The following GET3 variants were observed in gnomAD, a reference collection of about 807,000 sequenced individuals.
GET3 encodes ATPase GET3.
A neutral mutation model predicts 32.4 loss-of-function variants in GET3; 15 were observed. The observed-to-expected ratio is 0.46, with a 90% CI of 0.31 to 0.71. The LOEUF is 0.71. GET3 is among the 30% of genes least tolerant of loss of function. GET3 has a pLI of 0.05. For synonymous variants in GET3, 198 were observed against 185.6 expected (o/e 1.07, Z -0.54); for missense variants, 333 against 459.0 (o/e 0.73, Z 2.51).
chr19:12,741,465 A>C (rs1599448925), intron 2 of GET3, among the ~76,000 whole-genome samples: 1 of 150,088 alleles, frequency 6.7e-6, no homozygotes, highest in South Asian at 2.1e-4. Context: ...CAAAAAAAAA[A>C]ATACAAAAAT....
chr19:12,737,721 G>A, intron 1 of GET3, 55 bp downstream of exon 1: 2 of 1,536,762 alleles, frequency 1.3e-6, no homozygotes, highest in Non-Finnish European at 1.7e-6. Context: ...ACTGGGCGAA[G>A]GGGAGGCCAA....
chr19:12,742,902 A>T (rs1050947686), intron 2 of GET3, among the ~76,000 whole-genome samples: 5 of 152,022 alleles, frequency 3.3e-5, no homozygotes, highest in South Asian at 4.1e-4. Flanking sequence ...AGAGTGGGGG[A>T]TTTTGCCAAC....
chr19:12,745,836 A>G lies in GET3; in HGVS notation c.609+77A>G. ...TAGGCCCGGGCCCCCAGACCCTCAA[A>G]TGCGCACTAACAATTCCCTTTCCTT... On this transcript the variant is annotated intron_variant, in intron 4 of 6. Transcript: ENST00000357332. This position sits in a 1 kb window ranked among gnomAD's most constrained non-coding sequence, Gnocchi z 5.0. The G allele has an allele frequency of 6.7e-7, 1 of 1,501,934 alleles. No individual in the cohort carries two copies. Among genetic ancestry groups the G allele is most frequent in the Non-Finnish European group, 8.9e-7 (1 of 1,123,540 alleles). The allele number at this position is 1,501,934 out of a possible 1,614,324, so 93.0% of individuals were successfully genotyped here. A position where few individuals can be genotyped will look rare whatever the true frequency, so the allele number is the denominator to read the frequency against.
At chr19:12,737,810 G>T (rs1712978377) in intron 1 of GET3, 144 bp downstream of exon 1, 2 of 1,157,786 alleles carry the variant, frequency 1.7e-6, no homozygotes, top group Non-Finnish European at 2.3e-6. Flanking sequence ...GTTACCTGGA[G>T]CAAATGAGAA....
intron 2 of GET3, among the ~76,000 whole-genome samples, chr19:12,742,107 A>G (rs1037844480): frequency 3.3e-5 from 5 of 152,152 alleles, no homozygotes; most frequent in African/African-American, 1.2e-4. Flanking sequence ...TCTACAAAAA[A>G]CAAACAAAAT....
At position 12,747,356 on chromosome 19, in the gene GET3, C is replaced by T. The variant is rs768527624; in HGVS notation, c.718-39C>T. On this transcript the variant is annotated intron_variant, in intron 5 of 6. Transcript: ENST00000357332. The surrounding 1 kb of genome is among the most constrained non-coding windows in gnomAD (Gnocchi z 4.0). ...GAGGCCCGGGGGCTGAGGACAGGGG[C>T]AGACCCCGCCCCTCACTGTCCTCTC... 1 of 1,612,382 alleles carries T rather than the reference C, an allele frequency of 6.2e-7. No homozygotes were observed. Among genetic ancestry groups the T allele is most frequent in the Admixed American group, 1.7e-5 (1 of 59,980 alleles).
At chr19:12,743,867 C>G (rs1386213826) in intron 2 of GET3, among the ~76,000 whole-genome samples, 1 of 138,684 alleles carries the variant, frequency 7.2e-6, no homozygotes, top group Non-Finnish European at 1.6e-5. Context: ...GTAGCTGGGA[C>G]TACAGGCACC....
rs990052508 is a variant in GET3, at chr19:12,746,492, C to T, written c.610-705C>T. Among the ~76,000 whole-genome samples the T allele has an allele frequency of 5.9e-5, 9 of 152,214 alleles. No homozygotes were observed. In the South Asian group the frequency reaches 1.7e-3, roughly 28 times the overall value. ...CCCCCACAGTGCTGCACACCACCAGCACCACCCACCATGGTGTATGTGCAC... is the reference window on the plus strand; with the variant it reads ...CCCCCACAGTGCTGCACACCACCAGTACCACCCACCATGGTGTATGTGCAC... On this transcript the variant is annotated intron_variant, in intron 4 of 6. Transcript: ENST00000357332.
At position 12,747,572 on chromosome 19, in the gene GET3, C is replaced by T. The variant is rs1360070810; in HGVS notation, c.895C>T (p.Gln299Ter). The T allele has an allele frequency of 6.2e-7, 1 of 1,613,666 alleles. No homozygotes were observed. The highest frequency in any genetic ancestry group is 8.5e-7 in the Non-Finnish European group (1 of 1,179,942). The part of the protein sequence containing the change: ...CKMCEARHKI[Q>*]AKYLDQMEDL... ...GATGTGTGAGGCCCGTCACAAGATC[C>T]AGGCCAAGTATCTGGACCAGGTGTG... The change falls in exon 6 of 7, where the codon CAG (glutamine) becomes TAG (stop). Residue 299 changes from glutamine to a stop codon, truncating the protein, a stop_gained. Transcript: ENST00000357332. LOFTEE classifies it high-confidence loss of function. This position sits in a 1 kb window ranked among gnomAD's most constrained non-coding sequence, Gnocchi z 4.0.
chr19:12,737,416 C>T (rs144917991), upstream of GET3: 671 of 1,343,490 alleles, frequency 5.0e-4, 6 homozygotes, highest in African/African-American at 9.4e-3. Flanking sequence ...TTAACTCATG[C>T]TCCTAGCTTC....
Position 12,737,534 on chromosome 19 carries a change from T to G in GET3, c.29T>G (p.Val10Gly), listed in dbSNP as rs773919937. ...GCGGCAGGGGTGGCCGGGTGGGGGG[T>G]TGAGGCAGAGGAGTTCGAAGATGCT... MAAGVAGWG[V>G]EAEEFEDAPD... Residue 10 changes from valine to glycine, a missense_variant, in exon 1 of 7, where the codon GTT (valine) becomes GGT (glycine). By Grantham distance (109) the Val-to-Gly change is moderately radical (BLOSUM62 -3). Coordinates refer to ENST00000357332, the MANE Select transcript of GET3 (RefSeq NM_004317.4). 1 of 1,571,376 alleles carries G rather than the reference T, an allele frequency of 6.4e-7. No homozygotes were observed. The highest frequency in any genetic ancestry group is 8.6e-7 in the Non-Finnish European group (1 of 1,160,208).
chr19:12,746,933 C>G (rs192303562), intron 4 of GET3, among the ~76,000 whole-genome samples: 1 of 151,818 alleles, frequency 6.6e-6, no homozygotes, highest in East Asian at 1.9e-4. Context: ...TCGCTTGAAC[C>G]CAGGAGGCGG....
chr19:12,745,759 G>T lies in GET3; in HGVS notation c.609G>T (p.Gln203His). 1 of 1,602,774 alleles carries T rather than the reference G, an allele frequency of 6.2e-7. No individual in the cohort carries two copies. ...IKNQISPFISQMCNMLGLGDM... is the reference protein window; with the variant it reads ...IKNQISPFISHMCNMLGLGDM... ...ACCAGATCAGCCCTTTCATCTCACAGGCAGGCGGCGGGGGCCCCCACCTGC... is the reference window on the plus strand; with the variant it reads ...ACCAGATCAGCCCTTTCATCTCACATGCAGGCGGCGGGGGCCCCCACCTGC... Residue 203 changes from glutamine (Q) to histidine (H), a missense_variant and splice_region_variant, in exon 4 of 7, where the codon CAG becomes CAT. Physicochemically the swap from Gln to His is conservative, Grantham distance 24 (BLOSUM62 0). This residue lies in a region of GET3 where 230 missense variants were observed against 389.2 expected (regional missense o/e 0.59). Transcript: ENST00000357332. This position sits in a 1 kb window ranked among gnomAD's most constrained non-coding sequence, Gnocchi z 5.0.
At chr19:12,741,797 G>A (rs1015198520) in intron 2 of GET3, among the ~76,000 whole-genome samples, 14 of 151,728 alleles carry the variant, frequency 9.2e-5, no homozygotes, top group African/African-American at 3.1e-4. Context: ...GTGGGCGCCT[G>A]TAATCCCAGA....
intron 2 of GET3, among the ~76,000 whole-genome samples, chr19:12,741,467 TACAA>T (rs1193547670): frequency 7.6e-6 from 1 of 132,086 alleles, no homozygotes; most frequent in Middle Eastern, 6.3e-3. Context: ...AAAAAAAAAA[TACAA>T]AAATAAGCCA....
At chr19:12,738,799 C>T (rs958906518) in intron 2 of GET3, 141 bp downstream of exon 2, 1 of 1,162,830 alleles carries the variant, frequency 8.6e-7, no homozygotes. Flanking sequence ...AACATACTCA[C>T]AAGGGAACCA....
At chr19:12,741,429 G>A (rs954679988) in intron 2 of GET3, among the ~76,000 whole-genome samples, 12 of 145,618 alleles carry the variant, frequency 8.2e-5, no homozygotes, top group African/African-American at 2.3e-4. Flanking sequence ...GCACTCCAGC[G>A]TGGGTGACAG....
chr19:12,744,713 C>T (rs1383403257), intron 2 of GET3, among the ~76,000 whole-genome samples: 1 of 152,150 alleles, frequency 6.6e-6, no homozygotes, highest in Non-Finnish European at 1.5e-5. Flanking sequence ...AAACCCCTGC[C>T]CCTGAGGGGC....
chr19:12,748,120 C>A lies in GET3; in HGVS notation c.*16C>A, dbSNP rs775747391. 1.3e-5 allele frequency: 20 copies of A among 1,565,842 alleles called. No homozygotes were observed. The East Asian group carries it at 4.3e-4, about 34-fold the overall frequency. Reference sequence around the variant, plus strand: ...TGCCCAGTAGCACAGCTGCCAGCCCCAACCGCTGCCATTTCACACTCACCC... The same window carrying A: ...TGCCCAGTAGCACAGCTGCCAGCCCAAACCGCTGCCATTTCACACTCACCC... On this transcript the variant is annotated 3_prime_UTR_variant, in exon 7 of 7. Transcript: ENST00000357332.
Sources: gnomAD v4.1 joint callset for allele counts (sites outside exome capture counted in the v4.1 genomes callset) on GRCh38, gnomAD v4.1.1 for gene constraint, gnomAD v4.1.1 regional missense constraint, Gnocchi (gnomAD v3.1) non-coding constraint, MANE v1.5 for transcripts, NCBI Gene and HGNC (gene_info 2026-07-23, HGNC 2026-07-21) for gene names.